Variants in ZNF175 observed in about 807,000 individuals in gnomAD.
The protein encoded by ZNF175 is zinc finger protein 175, also known as zinc finger protein OTK18.
In ZNF175, 8 loss-of-function variants were observed where a neutral mutation model predicts 14.0. That is an observed-to-expected ratio of 0.57 (90% CI 0.34 to 1.03). The LOEUF is 1.03. Ranked by LOEUF, ZNF175 falls within the 50% of genes least tolerant of loss-of-function variation. The probability of loss-of-function intolerance (pLI) is 0.03; values close to 1 mark genes in which losing one functional copy is unlikely to be tolerated. For missense variants in ZNF175, 764 were observed against 849.5 expected (o/e 0.90, Z 1.25); for synonymous variants, 255 against 296.8 (o/e 0.86, Z 1.45).
Position 51,587,356 on chromosome 19 carries a change from AG to A in ZNF175, c.1027del (p.Val343SerfsTer120). ...CCCTGTATATGCAAGGAATGTGGGAAGGTCTTTATTCAGAGATCAGAATTGC... is the reference window on the plus strand; with the variant it reads ...CCCTGTATATGCAAGGAATGTGGGAAGTCTTTATTCAGAGATCAGAATTGC... ...DIPCICKECGKVFIQRSELLT... is the reference protein window; with the variant it reads ...DIPCICKECGXVFIQRSELLT... On this transcript the variant is annotated frameshift_variant, in exon 5 of 5. Transcript: ENST00000262259. LOFTEE classifies it low-confidence loss of function (END_TRUNC). The A allele has an allele frequency of 6.2e-7, 1 of 1,614,186 alleles. No homozygotes were observed.
In ZNF175 at chr19:51,587,649, A is replaced by G. The variant is rs760688362; in HGVS notation, c.1318A>G (p.Ile440Val). Reference protein sequence around the residue: ...QKSTLSLHQRIHSGQKSYVCI... With the variant: ...QKSTLSLHQRVHSGQKSYVCI... ...GTCAACACTCAGCTTGCACCAGAGA[A>G]TCCACTCAGGGCAGAAGTCCTATGT... The change falls in exon 5 of 5, where the codon ATC (isoleucine) becomes GTC (valine). Residue 440 changes from isoleucine to valine, a missense_variant. By Grantham distance (29) the Ile-to-Val change is conservative. Transcript: ENST00000262259. The G allele has an allele frequency of 4.3e-6, 7 of 1,613,954 alleles. No individual in the cohort carries two copies. The African/African-American group carries it at 9.3e-5, about 22-fold the overall frequency.
Position 51,591,615 on chromosome 19 carries a change from C to A in ZNF175, c.*3148C>A, listed in dbSNP as rs184246855. 1.3e-5 allele frequency: 2 copies of A among 152,192 alleles called. No homozygotes were observed. Among genetic ancestry groups the A allele is most frequent in the East Asian group, 1.9e-4 (1 of 5,182 alleles). 9.4% of individuals were successfully genotyped at this position (152,192 alleles called of 1,614,324 possible). ...TAGGAAATAATCTAACCTCATAAAC[C>A]CCATTTTAGAGATGAGGAAACAGGC... On this transcript the variant is annotated 3_prime_UTR_variant, in exon 5 of 5. Transcript: ENST00000262259.
chr19:51,577,568 T>C (rs148584186), intron 2 of ZNF175, among the ~76,000 whole-genome samples: 1 of 152,322 alleles, frequency 6.6e-6, no homozygotes, highest in Non-Finnish European at 1.5e-5. Context: ...ATTTGAGATA[T>C]TTTAAAATGT....
chr19:51,576,125 G>A (rs1274075385), intron 2 of ZNF175, among the ~76,000 whole-genome samples: 5 of 149,628 alleles, frequency 3.3e-5, no homozygotes, highest in South Asian at 2.1e-4. Context: ...GCAAACCCTC[G>A]CTATTTCAGG....
chr19:51,580,255 G>A (rs371559288), intron 2 of ZNF175, among the ~76,000 whole-genome samples: 10 of 152,120 alleles, frequency 6.6e-5, no homozygotes, highest in Non-Finnish European at 1.0e-4. Context: ...TGCACACCAC[G>A]TATTTTCCTA....
At chr19:51,583,880 T>C (rs1422651403) in intron 4 of ZNF175, among the ~76,000 whole-genome samples, 3 of 152,224 alleles carry the variant, frequency 2.0e-5, no homozygotes. Context: ...GCTGATTACT[T>C]TGTACTTTCT....
In ZNF175 at chr19:51,589,337, G is replaced by T. The variant is rs960629675; in HGVS notation, c.*870G>T. On this transcript the variant is annotated 3_prime_UTR_variant, in exon 5 of 5. Coordinates refer to ENST00000262259, the MANE Select transcript of ZNF175 (RefSeq NM_007147.4). ...CTGCAGAATTCACTGCATAGCAGGA[G>T]ATGTAAGCAGATGAGTTATTTTTTA... is the stretch of plus-strand genomic sequence containing the variant. The T allele has an allele frequency of 1.7e-4, 100 of 572,062 alleles. No individual in the cohort carries two copies. The highest frequency in any genetic ancestry group is 1.7e-3 in the African/African-American group (90 of 53,600). 35.4% of individuals were successfully genotyped at this position (572,062 alleles called of 1,614,324 possible).
At position 51,588,154 on chromosome 19, in the gene ZNF175, C is replaced by T; in HGVS notation, c.1823C>T (p.Thr608Ile). 2 of 1,614,078 alleles carry T rather than the reference C, an allele frequency of 1.2e-6. No homozygotes were observed. The highest frequency in any genetic ancestry group is 1.7e-6 in the Non-Finnish European group (2 of 1,179,996). ...GRSNFHKHQI[T>I]HTRERPFVCY... ...TCAAATTTCCATAAACATCAAATAA[C>T]TCACACTAGAGAGAGGCCTTTTGTC... Residue 608 changes from threonine to isoleucine, a missense_variant, in exon 5 of 5, where the codon ACT (threonine) becomes ATT (isoleucine). Coordinates refer to ENST00000262259, the MANE Select transcript of ZNF175 (RefSeq NM_007147.4).
rs934420968 is a variant in ZNF175 at position 51,577,143 on chromosome 19, A to G, written c.72+3742A>G. ...ATGAATGATATGAAAATGTCACGCC[A>G]AAAAGCAAAGATCATATATTTGCAT... On this transcript the variant is annotated intron_variant, in intron 2 of 4. Transcript: ENST00000262259. Among the ~76,000 whole-genome samples, 6 of 152,330 alleles carry G rather than the reference A, an allele frequency of 3.9e-5. 1 individual carries two copies. Among genetic ancestry groups the G allele is most frequent in the Middle Eastern group, 3.4e-3 (1 of 294 alleles).
chr19:51,591,758 T>C lies in ZNF175; in HGVS notation c.*3291T>C, dbSNP rs34741882. 22,030 of 149,162 alleles carry C rather than the reference T, an allele frequency of 0.15. 1,852 individuals are homozygous for C. The highest frequency in any genetic ancestry group is 0.23 in the Middle Eastern group (64 of 284). The allele number at this position is 149,162 out of a possible 1,614,324, so 9.2% of individuals were successfully genotyped here. ...TCAACCATTGTACTACTTTACCTCC[T>C]CATGACCTTTTTTTTTTTTTTCTTG... On this transcript the variant is annotated 3_prime_UTR_variant, in exon 5 of 5. Transcript: ENST00000262259.
chr19:51,575,818 C>T lies in ZNF175; in HGVS notation c.72+2417C>T, dbSNP rs59382174. Among the ~76,000 whole-genome samples the T allele has an allele frequency of 2.6e-3, 400 of 152,240 alleles. 16 individuals are homozygous for T. In the East Asian group the frequency reaches 0.046, roughly 17 times the overall value. On this transcript the variant is annotated intron_variant, in intron 2 of 4. Transcript: ENST00000262259. ...ATGTCATTAAAAGGTTTGCTTTTAC[C>T]CGCTTCCTCATACTTTCACCCCCAA...
chr19:51,589,564 C>T lies in ZNF175; in HGVS notation c.*1097C>T. On this transcript the variant is annotated 3_prime_UTR_variant, in exon 5 of 5. Transcript: ENST00000262259. The stretch of plus-strand genomic sequence containing the variant: ...TTCTTTTAGGATTAGCTCAGCTTGC[C>T]CCCCCTTTCCATCTCCACCATCTAT... 1 of 701,952 alleles carries T rather than the reference C, an allele frequency of 1.4e-6. No individual in the cohort carries two copies. The highest frequency in any genetic ancestry group is 2.6e-6 in the Non-Finnish European group (1 of 384,736). The allele number at this position is 701,952 out of a possible 1,614,324, so 43.5% of individuals were successfully genotyped here. A position where few individuals can be genotyped will look rare whatever the true frequency, so the allele number is the denominator to read the frequency against.
rs1982281441 is a variant in ZNF175, at chr19:51,589,312, C to T, written c.*845C>T. On this transcript the variant is annotated 3_prime_UTR_variant, in exon 5 of 5. Transcript: ENST00000262259. ...TATGCCCTCAGTGCAGTGGGGTTTG[C>T]TGCAGAATTCACTGCATAGCAGGAG... The T allele has an allele frequency of 3.7e-6, 2 of 547,864 alleles. No homozygotes were observed. Among genetic ancestry groups the T allele is most frequent in the Non-Finnish European group, 6.5e-6 (2 of 310,018 alleles). The allele number at this position is 547,864 out of a possible 1,614,324, so 33.9% of individuals were successfully genotyped here.
At position 51,587,929 on chromosome 19, in the gene ZNF175, G is replaced by A. The variant is rs150280289; in HGVS notation, c.1598G>A (p.Cys533Tyr). ...CATACTGGAGAAAGACACCATGTAT[G>A]CAGTGAATGCGGGAAAGCCTTCAAC... Reference protein sequence around the residue: ...KIHTGERHHVCSECGKAFNQK... With the variant: ...KIHTGERHHVYSECGKAFNQK... The change falls in exon 5 of 5, where the codon TGC becomes TAC. Residue 533 changes from cysteine to tyrosine, a missense_variant. Coordinates refer to ENST00000262259, the MANE Select transcript of ZNF175 (RefSeq NM_007147.4). 1.8e-5 allele frequency: 29 copies of A among 1,614,080 alleles called. No individual in the cohort carries two copies. Among genetic ancestry groups the A allele is most frequent in the Non-Finnish European group, 2.4e-5 (28 of 1,180,036 alleles).
In ZNF175 at chr19:51,573,217, C is replaced by T. The variant is rs1314066526; in HGVS notation, c.-113C>T. 12 of 987,604 alleles carry T rather than the reference C, an allele frequency of 1.2e-5. No individual in the cohort carries two copies. Among genetic ancestry groups the T allele is most frequent in the Admixed American group, 1.9e-5 (1 of 52,528 alleles). 61.2% of individuals were successfully genotyped at this position (987,604 alleles called of 1,614,324 possible). On this transcript the variant is annotated 5_prime_UTR_variant, in exon 2 of 5. In the 5' UTR this introduces an upstream ATG that the reference lacks. Coordinates refer to ENST00000262259, the MANE Select transcript of ZNF175 (RefSeq NM_007147.4). The stretch of plus-strand genomic sequence containing the variant: ...CAGGATCTCTCTTCATAGCCCAGTA[C>T]GACTCTCCGCCGTGTCCCTGGTTGG...
intron 4 of ZNF175, among the ~76,000 whole-genome samples, chr19:51,582,822 A>T (rs1398232617): frequency 6.6e-6 from 1 of 150,784 alleles, no homozygotes; most frequent in Admixed American, 6.6e-5. Flanking sequence ...CAGTTGTGGC[A>T]CCTCTAGCTT....
Position 51,587,144 on chromosome 19 carries a change from A to G in ZNF175, c.813A>G (p.Gln271=). ...ATAAACAGTCACTCAAGCAACATCA[A>G]ATTCATACTCAGAAGAAACCAGATG... is the stretch of plus-strand genomic sequence containing the variant. ...CGHKQSLKQH[Q]IHTQKKPDGC... is the part of the protein sequence containing the mutation. The change falls in exon 5 of 5, where the codon CAA becomes CAG. Residue 271 remains glutamine (Q), a synonymous_variant. Transcript: ENST00000262259. The G allele has an allele frequency of 1.2e-6, 2 of 1,614,218 alleles. No homozygotes were observed. The highest frequency in any genetic ancestry group is 1.7e-6 in the Non-Finnish European group (2 of 1,180,024).
intron 4 of ZNF175, among the ~76,000 whole-genome samples, chr19:51,585,165 A>G (rs11667382): frequency 0.23 from 34,463 of 152,192 alleles, 5,013 homozygotes; most frequent in East Asian, 0.69. Context: ...GAATTATGAA[A>G]CATGTTGCAG....
intron 3 of ZNF175, 35 bp downstream of exon 3, chr19:51,581,552 C>A: frequency 6.3e-7 from 1 of 1,592,242 alleles, no homozygotes. Context: ...TTGGCTGGAT[C>A]CTGTTGAGGA....
Sources: allele counts gnomAD v4.1 joint callset (sites outside exome capture counted in the v4.1 genomes callset), GRCh38; gene constraint gnomAD v4.1.1; transcripts MANE v1.5; gene names NCBI Gene and HGNC (gene_info 2026-07-23, HGNC 2026-07-21).